Variants in DIAPH1 observed in about 807,000 individuals in gnomAD.
DIAPH1 encodes the protein diaphanous related formin 1, also known as protein diaphanous homolog 1.
Under a neutral mutation model 140.7 loss-of-function variants are expected in DIAPH1, and 46 were observed. That is an observed-to-expected ratio of 0.33 (90% confidence interval 0.26 to 0.42). The LOEUF (loss-of-function observed/expected upper bound fraction) is 0.42, where lower values mean the gene tolerates loss of function less well. DIAPH1 is among the 10% of genes least tolerant of loss of function. DIAPH1 has a pLI of 1.00. For synonymous variants in DIAPH1, 565 were observed against 551.6 expected (o/e 1.02, Z -0.34); for missense variants, 1,310 against 1,558.7 (o/e 0.84, Z 2.69).
chr5:141,595,325 G>A (rs1301083846), intron 1 of DIAPH1, among the ~76,000 whole-genome samples: 2 of 152,192 alleles, frequency 1.3e-5, no homozygotes, highest in African/African-American at 4.8e-5. Context: ...ACTGGGTGAT[G>A]CTGATGTGTT....
Position 141,528,456 on chromosome 5 carries a change from G to T in DIAPH1, c.3145C>A (p.Arg1049=), listed in dbSNP as rs863225243. The T allele has an allele frequency of 3.1e-6, 5 of 1,614,098 alleles. No homozygotes were observed. The East Asian group carries it at 1.1e-4, about 36-fold the overall frequency. Residue 1049 remains arginine, a synonymous_variant, in exon 23 of 28, where the codon CGA becomes AGA. Transcript: ENST00000389054. Reference sequence around the variant, plus strand: ...GCTTCATTCCAAACTGCCCCACCTCGGCTGGCTTTCTCCACATGGGCAAGC... The same window carrying T: ...GCTTCATTCCAAACTGCCCCACCTCTGCTGGCTTTCTCCACATGGGCAAGC... ...DELAHVEKAS[R]VSAENLQKNL...
intron 8 of DIAPH1, among the ~76,000 whole-genome samples, chr5:141,580,300 T>A (rs756872529): frequency 2.0e-5 from 3 of 152,224 alleles, no homozygotes; most frequent in Non-Finnish European, 4.4e-5. Context: ...TTGTCTATGC[T>A]TAGGAAACGT....
rs563196554 is a variant in DIAPH1, at chr5:141,595,780, C to T, written c.118-7530G>A. 1.4e-4 allele frequency among the ~76,000 whole-genome samples: 22 copies of T among 152,234 alleles called. No individual in the cohort carries two copies. The South Asian group carries it at 3.5e-3, about 24-fold the overall frequency. ...GTATTTCTTCATAGCAGTGTGAGAA[C>T]GGATTGATACACCATGCACGTGTGT... On this transcript the variant is annotated intron_variant, in intron 1 of 27. Coordinates refer to ENST00000389054, the MANE Select transcript of DIAPH1 (RefSeq NM_005219.5).
At chr5:141,570,337 A>C (rs1194233383) in intron 18 of DIAPH1, among the ~76,000 whole-genome samples, 1 of 152,220 alleles carries the variant, frequency 6.6e-6, no homozygotes, top group Non-Finnish European at 1.5e-5. Context: ...CTAATACAGT[A>C]TATGTGGTTA....
At chr5:141,566,459 A>G (rs775827474) in intron 18 of DIAPH1, among the ~76,000 whole-genome samples, 3 of 152,236 alleles carry the variant, frequency 2.0e-5, no homozygotes, top group Non-Finnish European at 4.4e-5. Context: ...TAACGATGTC[A>G]TAAGATTTGA....
rs1289606709 is a variant in DIAPH1 at position 141,573,944 on chromosome 5, C to T, written c.1906G>A (p.Gly636Ser). 1 of 1,550,998 alleles carries T rather than the reference C, an allele frequency of 6.4e-7. No individual in the cohort carries two copies. The highest frequency in any genetic ancestry group is 2.0e-5 in the Admixed American group (1 of 50,658). The stretch of plus-strand genomic sequence containing the variant: ...GGAGGGGGTGGAGAGATAGCAGTAC[C>T]TCCAGGTAAAGAAGGGGGTGAGGAG... ...CISSPPSLPG[G>S]TAISPPPPLS... The change falls in exon 16 of 28, where the codon GGT becomes AGT. Residue 636 changes from glycine to serine, a missense_variant. This residue lies in a region of DIAPH1 where 589 missense variants were observed against 549.3 expected (regional missense o/e 1.07). Transcript: ENST00000389054.
intron 18 of DIAPH1, among the ~76,000 whole-genome samples, chr5:141,567,469 A>C (rs2099894554): frequency 6.6e-6 from 1 of 152,188 alleles, no homozygotes; most frequent in South Asian, 2.1e-4. Context: ...ACCCAAGAGA[A>C]GCTAAGTAAT....
chr5:141,549,620 C>G (rs1228728183), intron 18 of DIAPH1, among the ~76,000 whole-genome samples: 2 of 151,920 alleles, frequency 1.3e-5, no homozygotes, highest in Non-Finnish European at 2.9e-5. Flanking sequence ...CCAAAATTTA[C>G]CATATATGGG....
In DIAPH1 at chr5:141,516,448, C is replaced by T. The variant is rs2099885694; in HGVS notation, c.*403G>A. 7.0e-6 allele frequency: 2 copies of T among 284,796 alleles called. No homozygotes were observed. The highest frequency in any genetic ancestry group is 1.4e-5 in the Non-Finnish European group (2 of 144,760). The allele number at this position is 284,796 out of a possible 1,614,324, so 17.6% of individuals were successfully genotyped here. A position where few individuals can be genotyped will look rare whatever the true frequency, so the allele number is the denominator to read the frequency against. On this transcript the variant is annotated 3_prime_UTR_variant, in exon 28 of 28. Coordinates refer to ENST00000389054, the MANE Select transcript of DIAPH1 (RefSeq NM_005219.5). ...GCTATTCTCAGGGCCAGAGAAACCACAAAAGAAAAGCACAAATCCAGCAAG... is the reference window on the plus strand; with the variant it reads ...GCTATTCTCAGGGCCAGAGAAACCATAAAAGAAAAGCACAAATCCAGCAAG...
intron 18 of DIAPH1, among the ~76,000 whole-genome samples, chr5:141,547,444 G>A (rs776193360): frequency 5.9e-5 from 9 of 151,400 alleles, no homozygotes; most frequent in Non-Finnish European, 5.9e-5. Flanking sequence ...CAGCCTGGGC[G>A]ACAGAGACTC....
At chr5:141,603,676 T>C (rs1219161212) in intron 1 of DIAPH1, among the ~76,000 whole-genome samples, 1 of 152,232 alleles carries the variant, frequency 6.6e-6, no homozygotes, top group Non-Finnish European at 1.5e-5. Flanking sequence ...ACTAACTTAA[T>C]GTCCTGCACA....
chr5:141,524,040 A>C, intron 27 of DIAPH1, 103 bp downstream of exon 27: 1 of 984,792 alleles, frequency 1.0e-6, no homozygotes, highest in African/African-American at 1.6e-5. Flanking sequence ...GGGACTAAAA[A>C]GATGCTTAGA....
chr5:141,596,239 A>C (rs1464897908), intron 1 of DIAPH1, among the ~76,000 whole-genome samples: 3 of 152,104 alleles, frequency 2.0e-5, no homozygotes, highest in African/African-American at 7.2e-5. Flanking sequence ...AGGCTGAGGC[A>C]GGAGAATCAC....
At position 141,575,120 on chromosome 5, in the gene DIAPH1, A is replaced by G. The variant is rs2154596345; in HGVS notation, c.1488T>C (p.His496=). 3 of 1,614,162 alleles carry G rather than the reference A, an allele frequency of 1.9e-6. No homozygotes were observed. The highest frequency in any genetic ancestry group is 2.5e-6 in the Non-Finnish European group (3 of 1,180,030). Residue 496 remains histidine, a synonymous_variant, in exon 15 of 28, where the codon CAT becomes CAC. Coordinates refer to ENST00000389054, the MANE Select transcript of DIAPH1 (RefSeq NM_005219.5). The part of the protein sequence containing the change: ...KKLDSELTAR[H]ELQVEMKKME... The stretch of plus-strand genomic sequence containing the variant: ...TCTTTTTCATTTCCACCTGTAGCTC[A>G]TGTCGGGCTGTTAACTCTGAGTCCA...
At chr5:141,592,770 C>T (rs1242928180) in intron 1 of DIAPH1, among the ~76,000 whole-genome samples, 1 of 152,134 alleles carries the variant, frequency 6.6e-6, no homozygotes, top group Non-Finnish European at 1.5e-5. Context: ...TAAACATTAG[C>T]ACTTATACCT....
chr5:141,520,185 A>T (rs1417403235), intron 27 of DIAPH1, among the ~76,000 whole-genome samples: 1 of 152,244 alleles, frequency 6.6e-6, no homozygotes, highest in Non-Finnish European at 1.5e-5. Context: ...AATCATCATC[A>T]CACTAAATAA....
At position 141,528,852 on chromosome 5, in the gene DIAPH1, C is replaced by T. The variant is rs2099887782; in HGVS notation, c.2868G>A (p.Glu956=). Residue 956 remains glutamate, a synonymous_variant, in exon 22 of 28, where the codon GAG becomes GAA. Coordinates refer to ENST00000389054, the MANE Select transcript of DIAPH1 (RefSeq NM_005219.5). ...FSEQVENIKP[E]IVSVTAACEE... ...CACATGCAGCAGTGACAGACACAAT[C>T]TCTGGCTTGATATTCTCCACTTGCT... The T allele has an allele frequency of 6.2e-7, 1 of 1,614,148 alleles. No individual in the cohort carries two copies.
intron 18 of DIAPH1, among the ~76,000 whole-genome samples, chr5:141,558,951 A>G (rs1596365562): frequency 6.6e-6 from 1 of 151,540 alleles, no homozygotes; most frequent in East Asian, 1.9e-4. Context: ...GCATCACTAT[A>G]GTTTTCTCTG....
At chr5:141,536,344 G>A (rs1159850733) in intron 18 of DIAPH1, among the ~76,000 whole-genome samples, 3 of 151,896 alleles carry the variant, frequency 2.0e-5, no homozygotes, top group Non-Finnish European at 4.4e-5. Flanking sequence ...CCAGTTTGAG[G>A]AAGAAAAATA....
Sources: allele counts gnomAD v4.1 joint callset (sites outside exome capture counted in the v4.1 genomes callset), GRCh38; gene constraint gnomAD v4.1.1; regional missense constraint gnomAD v4.1.1; transcripts MANE v1.5; gene names NCBI Gene and HGNC (gene_info 2026-07-23, HGNC 2026-07-21).